Variants in SMC6 observed in about 807,000 individuals in gnomAD.
The protein encoded by SMC6 is structural maintenance of chromosomes protein 6.
SMC6 carries 79 observed loss-of-function variants against 142.2 expected under a neutral mutation model. The ratio of observed to expected loss-of-function variants is 0.56; its 90% CI spans 0.46 to 0.67. The LOEUF (loss-of-function observed/expected upper bound fraction) is 0.67. Among genes scored for constraint, SMC6 ranks in the 30% least tolerant of loss-of-function variants. The pLI, the probability that SMC6 is intolerant of heterozygous loss-of-function variation, is 0.00. For missense variants in SMC6, 1,072 were observed against 1,284.0 expected, an observed-to-expected ratio of 0.83 and a Z score of 2.52; for synonymous variants, 411 against 412.4, an observed-to-expected ratio of 1.00 and a Z score of 0.04.
chr2:17,691,456 C>T (rs1284598508), intron 23 of SMC6, among the ~76,000 whole-genome samples: 1 of 104,000 alleles, frequency 9.6e-6, no homozygotes, highest in Non-Finnish European at 1.9e-5. Flanking sequence ...TTTGAACCAA[C>T]GACAAAAAAC....
At chr2:17,677,558 T>C (rs1667051774) in intron 25 of SMC6, among the ~76,000 whole-genome samples, 1 of 152,182 alleles carries the variant, frequency 6.6e-6, no homozygotes, top group African/African-American at 2.4e-5. Flanking sequence ...CCCCTATCCC[T>C]TGGAATTCCA....
intron 2 of SMC6, among the ~76,000 whole-genome samples, chr2:17,750,882 G>C (rs1044437468): frequency 1.3e-5 from 2 of 151,536 alleles, no homozygotes; most frequent in Admixed American, 6.6e-5. Context: ...GCGCATGCCT[G>C]TAATCCCAGC....
At chr2:17,715,181 A>T (rs1024007397) in intron 15 of SMC6, 116 bp from the exon 16 acceptor site, 168 of 905,736 alleles carry the variant, frequency 1.9e-4, no homozygotes, top group Non-Finnish European at 1.8e-4. Flanking sequence ...AGCAGTTTAA[A>T]TGACTTTACA....
chr2:17,732,625 G>A (rs193172340), intron 5 of SMC6, among the ~76,000 whole-genome samples: 50 of 152,078 alleles, frequency 3.3e-4, no homozygotes, highest in African/African-American at 1.0e-3. Context: ...CTTGAACCCA[G>A]GAGGCAGAGG....
chr2:17,747,971 G>C (rs1046252405), intron 2 of SMC6, among the ~76,000 whole-genome samples: 4 of 152,220 alleles, frequency 2.6e-5, no homozygotes, highest in Middle Eastern at 3.4e-3. Context: ...AAACAGTTTT[G>C]GCCTTGTAGA....
In SMC6 at chr2:17,752,970, A is replaced by T; in HGVS notation, c.-6+8T>A. On this transcript the variant is annotated splice_region_variant and intron_variant, in intron 2 of 27. Coordinates refer to ENST00000448223, the MANE Select transcript of SMC6 (RefSeq NM_001142286.2). The stretch of plus-strand genomic sequence containing the variant: ...AAATGATTGCTCTAAGAATTTTCAC[A>T]GTATTACCTCAAACCCTATTGGTTC... 6 of 972,522 alleles carry T rather than the reference A, an allele frequency of 6.2e-6. No individual in the cohort carries two copies. The highest frequency in any genetic ancestry group is 7.3e-6 in the Non-Finnish European group (6 of 818,108). The allele number at this position is 972,522 out of a possible 1,614,324, so 60.2% of individuals were successfully genotyped here.
intron 2 of SMC6, among the ~76,000 whole-genome samples, chr2:17,746,592 T>TA (rs150404326): frequency 0.028 from 4,271 of 150,656 alleles, 157 homozygotes; most frequent in African/African-American, 0.085. Flanking sequence ...AACTCTTCCC[T>TA]AAAAAAAAAG....
intron 25 of SMC6, among the ~76,000 whole-genome samples, chr2:17,673,534 T>C (rs1666861293): frequency 6.6e-6 from 1 of 151,882 alleles, no homozygotes; most frequent in Admixed American, 6.5e-5. Flanking sequence ...GGGTCAAACT[T>C]TGCTTACTGT....
intron 3 of SMC6, among the ~76,000 whole-genome samples, chr2:17,742,121 C>T (rs1443831920): frequency 1.3e-5 from 2 of 152,128 alleles, no homozygotes; most frequent in African/African-American, 4.8e-5. Context: ...CCAGACATTG[C>T]TAAATGTCCC....
chr2:17,742,399 A>G (rs1272125778), intron 3 of SMC6, among the ~76,000 whole-genome samples: 1 of 152,230 alleles, frequency 6.6e-6, no homozygotes, highest in Admixed American at 6.5e-5. Flanking sequence ...TAAAGCATAT[A>G]CAGTTTCCAA....
At chr2:17,707,154 TGAAA>T in intron 18 of SMC6, 61 bp downstream of exon 18, 1 of 1,276,132 alleles carries the variant, frequency 7.8e-7, no homozygotes, top group Non-Finnish European at 1.0e-6. Context: ...AAGAGTAATA[TGAAA>T]GAAAATGAAC....
At chr2:17,717,010 A>T in intron 13 of SMC6, 78 bp downstream of exon 13, 1 of 1,522,180 alleles carries the variant, frequency 6.6e-7, no homozygotes, top group Non-Finnish European at 8.9e-7. Context: ...CAATACATAA[A>T]ATATAATACT....
intron 21 of SMC6, among the ~76,000 whole-genome samples, chr2:17,697,122 T>C (rs549243530): frequency 6.6e-6 from 1 of 152,214 alleles, no homozygotes; most frequent in East Asian, 1.9e-4. Flanking sequence ...TGATGAAATA[T>C]AGAATGCTTT....
chr2:17,750,269 A>G, intron 2 of SMC6, among the ~76,000 whole-genome samples: 1 of 152,222 alleles, frequency 6.6e-6, no homozygotes, highest in South Asian at 2.1e-4. Flanking sequence ...AATATCAGGG[A>G]CAAAGGGAAG....
chr2:17,745,712 A>C, intron 3 of SMC6, 115 bp downstream of exon 3: 1 of 1,158,006 alleles, frequency 8.6e-7, no homozygotes, highest in Non-Finnish European at 1.2e-6. Context: ...ATTTTACCTC[A>C]ACTTTTAAAA....
chr2:17,679,174 C>T (rs1318844606), intron 24 of SMC6: 6 of 425,418 alleles, frequency 1.4e-5, no homozygotes, highest in African/African-American at 8.1e-5. Flanking sequence ...AGTTCATTTA[C>T]TTTTATAACA....
In SMC6 at chr2:17,721,169, G is replaced by A; in HGVS notation, c.819C>T (p.Ser273=). The change falls in exon 10 of 28, where the codon TCC becomes TCT. Residue 273 remains serine, a synonymous_variant. Coordinates refer to ENST00000448223, the MANE Select transcript of SMC6 (RefSeq NM_001142286.2). ...CTGCCCAAGCCATTTCATGTTTCAA[G>A]GACTCTAAATTAGTCTTCATTGTAC... ...GLSTMKTNLE[S]LKHEMAWAVV... is the part of the protein sequence containing the mutation. The A allele has an allele frequency of 6.2e-7, 1 of 1,611,872 alleles. No homozygotes were observed. Among genetic ancestry groups the A allele is most frequent in the Non-Finnish European group, 8.5e-7 (1 of 1,179,382 alleles).
At chr2:17,684,194 A>G (rs1281314251) in intron 23 of SMC6, among the ~76,000 whole-genome samples, 1 of 152,184 alleles carries the variant, frequency 6.6e-6, no homozygotes, top group African/African-American at 2.4e-5. Flanking sequence ...CCTAAACAAG[A>G]TAAGATCAAA....
intron 11 of SMC6, among the ~76,000 whole-genome samples, chr2:17,720,323 G>C (rs934820561): frequency 6.6e-6 from 1 of 152,200 alleles, no homozygotes; most frequent in Non-Finnish European, 1.5e-5. Flanking sequence ...CTCTAGGCCC[G>C]TGTGGAAGAC....
Sources: gnomAD v4.1 joint callset for allele counts (sites outside exome capture counted in the v4.1 genomes callset) on GRCh38, gnomAD v4.1.1 for gene constraint, MANE v1.5 for transcripts, NCBI Gene and HGNC (gene_info 2026-07-23, HGNC 2026-07-21) for gene names.